The following MAPK8 variants were observed in gnomAD, a reference collection of about 807,000 sequenced individuals.
The protein encoded by MAPK8 is JUN N-terminal kinase.
Under a neutral mutation model 52.9 loss-of-function variants are expected in MAPK8, and 13 were observed. The ratio of observed to expected loss-of-function variants is 0.25; its 90% CI spans 0.16 to 0.39. The LOEUF (loss-of-function observed/expected upper bound fraction) is 0.39, where lower values mean the gene tolerates loss of function less well. Ranked by LOEUF, MAPK8 falls within the 10% of genes least tolerant of loss-of-function variation. MAPK8 has a pLI of 1.00. For missense variants in MAPK8, 300 were observed against 519.2 expected (o/e 0.58, Z 4.10); for synonymous variants, 191 against 169.8 (o/e 1.12, Z -0.97).
chr10:48,400,943 ATTG>A (rs1202447991), intron 1 of MAPK8, among the ~76,000 whole-genome samples: 1 of 141,656 alleles, frequency 7.1e-6, no homozygotes, highest in Non-Finnish European at 1.5e-5. Flanking sequence ...ATAGAATAGT[ATTG>A]TTTTGTTTTG....
intron 1 of MAPK8, among the ~76,000 whole-genome samples, chr10:48,357,840 C>T (rs1007676098): frequency 3.9e-5 from 6 of 152,162 alleles, no homozygotes; most frequent in South Asian, 4.1e-4. Flanking sequence ...ACCCTGTATC[C>T]GTTACGTAGT....
intron 1 of MAPK8, among the ~76,000 whole-genome samples, chr10:48,391,410 C>T (rs1037131910): frequency 6.6e-5 from 10 of 152,240 alleles, no homozygotes; most frequent in Middle Eastern, 3.4e-3. Context: ...GAAACCATGG[C>T]ATTTCCTTCT....
intron 1 of MAPK8, among the ~76,000 whole-genome samples, chr10:48,348,689 A>G (rs1846014991): frequency 6.6e-6 from 1 of 152,126 alleles, no homozygotes; most frequent in African/African-American, 2.4e-5. Flanking sequence ...CAAAGATCAG[A>G]TCGTTGTAGA....
In MAPK8 at chr10:48,436,988, T is replaced by G. The variant is rs544897838; in HGVS notation, c.*1959T>G. On this transcript the variant is annotated 3_prime_UTR_variant, in exon 12 of 12. Transcript: ENST00000374189. ...AGCATAGATTATGTCACTGTTGCACTTTCACAGCAGACATGCTTTCAGAAG... is the reference window on the plus strand; with the variant it reads ...AGCATAGATTATGTCACTGTTGCACGTTCACAGCAGACATGCTTTCAGAAG... The G allele has an allele frequency of 1.2e-4, 18 of 152,362 alleles. No homozygotes were observed. In the South Asian group the frequency reaches 3.7e-3, roughly 32 times the overall value. 9.4% of individuals were successfully genotyped at this position (152,362 alleles called of 1,614,324 possible).
intron 1 of MAPK8, among the ~76,000 whole-genome samples, chr10:48,345,446 T>A (rs1482347488): frequency 1.3e-5 from 2 of 152,146 alleles, no homozygotes; most frequent in East Asian, 3.9e-4. Flanking sequence ...AAGAGGCAAA[T>A]GAATGAAATG....
At chr10:48,331,170 G>A (rs1044250138) in intron 1 of MAPK8, among the ~76,000 whole-genome samples, 3 of 152,144 alleles carry the variant, frequency 2.0e-5, no homozygotes, top group Non-Finnish European at 2.9e-5. Context: ...ATGCTCTACT[G>A]TAACCTGTAT....
intron 3 of MAPK8, among the ~76,000 whole-genome samples, chr10:48,406,862 C>T (rs2042499439): frequency 6.6e-6 from 1 of 152,148 alleles, no homozygotes. Flanking sequence ...CACAGTACTG[C>T]ACGTCTGATC....
chr10:48,353,537 AAAT>A (rs1313295405), intron 1 of MAPK8, among the ~76,000 whole-genome samples: 1 of 152,242 alleles, frequency 6.6e-6, no homozygotes, highest in Non-Finnish European at 1.5e-5. Context: ...ATAGGCAACA[AAAT>A]AAACCTTGAC....
At chr10:48,397,884 C>G (rs1316608345) in intron 1 of MAPK8, among the ~76,000 whole-genome samples, 1 of 152,122 alleles carries the variant, frequency 6.6e-6, no homozygotes, top group Non-Finnish European at 1.5e-5. Flanking sequence ...AGCCACTGTA[C>G]CAGGCCGGAA....
chr10:48,338,122 A>C (rs1191953929), intron 1 of MAPK8, among the ~76,000 whole-genome samples: 1 of 151,654 alleles, frequency 6.6e-6, no homozygotes, highest in Non-Finnish European at 1.5e-5. Flanking sequence ...TCCCAATATC[A>C]AAATCTAGCA....
At chr10:48,373,793 A>G (rs563627455) in intron 1 of MAPK8, among the ~76,000 whole-genome samples, 1 of 152,116 alleles carries the variant, frequency 6.6e-6, no homozygotes, top group Admixed American at 6.5e-5. Context: ...CCACACAATA[A>G]TAGTGAGAGA....
At chr10:48,414,127 T>C (rs1225915522) in intron 5 of MAPK8, among the ~76,000 whole-genome samples, 1 of 151,964 alleles carries the variant, frequency 6.6e-6, no homozygotes, top group African/African-American at 2.4e-5. Context: ...TGTCTTTGTA[T>C]ATTTGTCTAT....
Position 48,379,605 on chromosome 10 carries a change from CA to C in MAPK8, c.-49-21999del, listed in dbSNP as rs1166625917. Among the ~76,000 whole-genome samples, 9 of 151,524 alleles carry C rather than the reference CA, an allele frequency of 5.9e-5. No homozygotes were observed. In the East Asian group the frequency reaches 1.2e-3, roughly 20 times the overall value. ...TAATTGCTATGAGCTATAAATGGCT[CA>C]AAAAAAATGTGGACTCTGGCAAAAC... On this transcript the variant is annotated intron_variant, in intron 1 of 11. Transcript: ENST00000374189.
intron 1 of MAPK8, among the ~76,000 whole-genome samples, chr10:48,360,415 A>G (rs1298945194): frequency 6.6e-6 from 1 of 152,176 alleles, no homozygotes; most frequent in African/African-American, 2.4e-5. Flanking sequence ...TGCTTATCCT[A>G]TGGCCCAGCA....
intron 1 of MAPK8, among the ~76,000 whole-genome samples, chr10:48,321,664 C>T (rs113855247): frequency 0.058 from 8,832 of 152,104 alleles, 614 homozygotes; most frequent in Admixed American, 0.21. Flanking sequence ...GTCTGTGATC[C>T]ATTTTGAGTT....
chr10:48,323,356 G>A (rs575259344), intron 1 of MAPK8, among the ~76,000 whole-genome samples: 4 of 152,254 alleles, frequency 2.6e-5, no homozygotes, highest in South Asian at 2.1e-4. Flanking sequence ...CTACTTAGTC[G>A]TGTTGAATAA....
rs370024755 is a variant in MAPK8, at chr10:48,354,455, A to G, written c.-49-47157A>G. 5.9e-5 allele frequency among the ~76,000 whole-genome samples: 9 copies of G among 152,300 alleles called. No homozygotes were observed. In the South Asian group the frequency reaches 1.2e-3, roughly 21 times the overall value. ...ACTGGAAACCACCACCAATCCCACC[A>G]TCCTTCAAGATTGCAGGGAAAGTTG... On this transcript the variant is annotated intron_variant, in intron 1 of 11. Transcript: ENST00000374189.
chr10:48,310,171 A>G (rs747189291), intron 1 of MAPK8, among the ~76,000 whole-genome samples: 4 of 152,228 alleles, frequency 2.6e-5, no homozygotes, highest in Non-Finnish European at 4.4e-5. Context: ...GGACTTTGTC[A>G]TCAAATTCTG....
chr10:48,356,192 T>C (rs1846917736), intron 1 of MAPK8, among the ~76,000 whole-genome samples: 1 of 152,198 alleles, frequency 6.6e-6, no homozygotes, highest in Non-Finnish European at 1.5e-5. Context: ...TTTCATAGGC[T>C]TTAAAGCATA....
Sources: gnomAD v4.1 joint callset for allele counts (sites outside exome capture counted in the v4.1 genomes callset) on GRCh38, gnomAD v4.1.1 for gene constraint, MANE v1.5 for transcripts, NCBI Gene and HGNC (gene_info 2026-07-23, HGNC 2026-07-21) for gene names.